The following VEGFC variants were observed in gnomAD, a reference collection of about 807,000 sequenced individuals.
VEGFC encodes FLT4 ligand DHM.
In VEGFC, 12 loss-of-function variants were observed where a neutral mutation model predicts 46.1. That is an observed-to-expected ratio of 0.26 (90% confidence interval 0.17 to 0.42). The LOEUF is 0.42. Ranked by LOEUF, VEGFC falls within the 10% of genes least tolerant of loss-of-function variation. The pLI is 1.00. For synonymous variants in VEGFC, 232 were observed against 195.5 expected (o/e 1.19, Z -1.56); for missense variants, 488 against 529.4 (o/e 0.92, Z 0.77).
intron 5 of VEGFC, 137 bp downstream of exon 5, chr4:176,687,684 T>C: frequency 2.1e-6 from 2 of 947,170 alleles, no homozygotes; most frequent in Non-Finnish European, 3.1e-6. Flanking sequence ...AATACCAACG[T>C]GAAGTAGAAA....
At chr4:176,699,005 G>A (rs1734376628) in intron 4 of VEGFC, among the ~76,000 whole-genome samples, 1 of 152,146 alleles carries the variant, frequency 6.6e-6, no homozygotes, top group Non-Finnish European at 1.5e-5. Context: ...CAAAATGAAT[G>A]ATAACATTAA....
chr4:176,704,438 T>C (rs1734487953), intron 4 of VEGFC, among the ~76,000 whole-genome samples: 1 of 152,148 alleles, frequency 6.6e-6, no homozygotes, highest in Non-Finnish European at 1.5e-5. Context: ...GAACAGGTGC[T>C]CCTTGTCTTT....
intron 1 of VEGFC, among the ~76,000 whole-genome samples, chr4:176,758,287 T>C (rs759403542): frequency 1.1e-4 from 16 of 152,234 alleles, no homozygotes; most frequent in Non-Finnish European, 2.2e-4. Context: ...AATAAGTTAA[T>C]TGCCTCAGTT....
intron 1 of VEGFC, among the ~76,000 whole-genome samples, chr4:176,760,913 T>C (rs557016715): frequency 6.6e-6 from 1 of 152,308 alleles, no homozygotes; most frequent in African/African-American, 2.4e-5. Context: ...GTACTAGCAA[T>C]GATTGTTTCG....
intron 1 of VEGFC, among the ~76,000 whole-genome samples, chr4:176,745,305 A>G: frequency 6.6e-6 from 1 of 152,102 alleles, no homozygotes. Context: ...TGTTAAAAAA[A>G]TTTTCAACTC....
chr4:176,771,952 G>A (rs755424389), intron 1 of VEGFC, among the ~76,000 whole-genome samples: 1 of 152,084 alleles, frequency 6.6e-6, no homozygotes, highest in Non-Finnish European at 1.5e-5. Flanking sequence ...TGAAGAAAAA[G>A]AACAGAAATC....
chr4:176,729,455 G>T, intron 2 of VEGFC, 78 bp downstream of exon 2: 2 of 1,200,912 alleles, frequency 1.7e-6, no homozygotes, highest in Non-Finnish European at 2.2e-6. Context: ...TACAAACACT[G>T]AAATTAAAGA....
intron 4 of VEGFC, among the ~76,000 whole-genome samples, chr4:176,692,411 C>CAAACAAAA (rs1734210358): frequency 7.8e-6 from 1 of 128,658 alleles, no homozygotes; most frequent in Non-Finnish European, 1.5e-5. Context: ...AACAAACAAA[C>CAAACAAAA]AAACAAAAAA....
chr4:176,771,840 T>A (rs1419178173), intron 1 of VEGFC, among the ~76,000 whole-genome samples: 1 of 152,150 alleles, frequency 6.6e-6, no homozygotes, highest in African/African-American at 2.4e-5. Context: ...CAGTGTGGGA[T>A]CTACAAATCA....
At chr4:176,744,744 GATAATATTAATTTGTTTT>G (rs1735233681) in intron 1 of VEGFC, among the ~76,000 whole-genome samples, 1 of 151,990 alleles carries the variant, frequency 6.6e-6, no homozygotes, top group African/African-American at 2.4e-5. Flanking sequence ...CTTCAGTGTA[GATAATATTAATTTGTTTT>G]ATAAATGAAG....
chr4:176,687,339 G>A lies in VEGFC; in HGVS notation c.993C>T (p.Asn331=). 1 of 1,614,098 alleles carries A rather than the reference G, an allele frequency of 6.2e-7. No individual in the cohort carries two copies. The highest frequency in any genetic ancestry group is 8.5e-7 in the Non-Finnish European group (1 of 1,180,030). The change falls in exon 6 of 7, where the codon AAC becomes AAT. Residue 331 remains asparagine (N), a synonymous_variant. Coordinates refer to ENST00000618562, the MANE Select transcript of VEGFC (RefSeq NM_005429.5). ...NKLFPSQCGA[N]REFDENTCQC... ...GGCATGTGTTTTCATCAAATTCTCG[G>A]TTGGCCCCACATTGGCTGGGGAAGA... is the stretch of plus-strand genomic sequence containing the variant.
Position 176,782,229 on chromosome 4 carries a change from G to A in VEGFC, c.147+9936C>T, listed in dbSNP as rs190877439. Among the ~76,000 whole-genome samples, 14 of 152,336 alleles carry A rather than the reference G, an allele frequency of 9.2e-5. No individual in the cohort carries two copies. In the East Asian group the frequency reaches 2.5e-3, roughly 27 times the overall value. ...TGCCTGTAATCCCAGCACTTTGGGA[G>A]GCCAAGGCAGATCACTTGAGCCCAG... On this transcript the variant is annotated intron_variant, in intron 1 of 6. Transcript: ENST00000618562.
intron 1 of VEGFC, among the ~76,000 whole-genome samples, chr4:176,783,449 AT>A (rs996395289): frequency 6.6e-6 from 1 of 152,232 alleles, no homozygotes; most frequent in African/African-American, 2.4e-5. Context: ...ATATTTACAC[AT>A]CAAAGTAGCA....
chr4:176,706,192 C>G (rs1734531093), intron 4 of VEGFC: 1 of 152,122 alleles, frequency 6.6e-6, no homozygotes, highest in Admixed American at 6.5e-5. Context: ...CAGAGCCAGC[C>G]AAGCGCATCT....
chr4:176,792,179 C>T lies in VEGFC; in HGVS notation c.133G>A (p.Ala45Thr). 8 of 1,518,930 alleles carry T rather than the reference C, an allele frequency of 5.3e-6. No homozygotes were observed. Among genetic ancestry groups the T allele is most frequent in the African/African-American group, 2.9e-5 (2 of 69,118 alleles). 94.1% of individuals were successfully genotyped at this position (1,518,930 alleles called of 1,614,324 possible). Residue 45 changes from alanine to threonine, a missense_variant, in exon 1 of 7, where the codon GCG (alanine) becomes ACG (threonine). Transcript: ENST00000618562. This position sits in a 1 kb window ranked among gnomAD's most constrained non-coding sequence, Gnocchi z 6.3. The part of the protein sequence containing the change: ...GLDLSDAEPD[A>T]GEATAYASKD... ...CGCAGACCTACCGTGGCCTCGCCCGCGTCGGGCTCCGCGTCCGAGAGGTCG... is the reference window on the plus strand; with the variant it reads ...CGCAGACCTACCGTGGCCTCGCCCGTGTCGGGCTCCGCGTCCGAGAGGTCG...
At chr4:176,755,042 C>T (rs952244628) in intron 1 of VEGFC, among the ~76,000 whole-genome samples, 4 of 152,146 alleles carry the variant, frequency 2.6e-5, no homozygotes, top group South Asian at 2.1e-4. Flanking sequence ...TGTCCTATTA[C>T]AGGTAAGTAA....
intron 1 of VEGFC, among the ~76,000 whole-genome samples, chr4:176,733,681 G>A (rs1735004895): frequency 6.6e-6 from 1 of 151,748 alleles, no homozygotes; most frequent in Admixed American, 6.6e-5. Flanking sequence ...TGTGGGGATG[G>A]TGGTTATACA....
At position 176,746,958 on chromosome 4, in the gene VEGFC, G is replaced by T. The variant is rs79742465; in HGVS notation, c.148-17212C>A. On this transcript the variant is annotated intron_variant, in intron 1 of 6. Coordinates refer to ENST00000618562, the MANE Select transcript of VEGFC (RefSeq NM_005429.5). The stretch of plus-strand genomic sequence containing the variant: ...TGCTTGAGTGCTTCGATATCACAGA[G>T]ATATGCACTTTAAGAATATGCAGAT... 1.6e-3 allele frequency among the ~76,000 whole-genome samples: 241 copies of T among 152,188 alleles called. 1 individual carries two copies. Among genetic ancestry groups the T allele is most frequent in the African/African-American group, 5.7e-3 (237 of 41,550 alleles).
chr4:176,691,329 T>G (rs935814037), intron 4 of VEGFC, among the ~76,000 whole-genome samples: 1 of 152,218 alleles, frequency 6.6e-6, no homozygotes, highest in South Asian at 2.1e-4. Flanking sequence ...GTTTTTTGTA[T>G]AGTGTATTTA....
Sources: allele counts gnomAD v4.1 joint callset (sites outside exome capture counted in the v4.1 genomes callset), GRCh38; gene constraint gnomAD v4.1.1; non-coding constraint Gnocchi (gnomAD v3.1); transcripts MANE v1.5; gene names NCBI Gene and HGNC (gene_info 2026-07-23, HGNC 2026-07-21).